The following MYLK variants were observed in gnomAD, a reference collection of about 807,000 sequenced individuals.
MYLK encodes myosin light chain kinase, also known as myosin light chain kinase, smooth muscle.
MYLK carries 106 observed loss-of-function variants against 203.4 expected under a neutral mutation model. The ratio of observed to expected loss-of-function variants is 0.52; its 90% confidence interval spans 0.45 to 0.61. The LOEUF (loss-of-function observed/expected upper bound fraction) is 0.61. Among genes scored for constraint, MYLK ranks in the 20% least tolerant of loss-of-function variants. MYLK has a pLI of 0.00. For missense variants in MYLK, 2,072 were observed against 2,442.3 expected (o/e 0.85, Z 3.20); for synonymous variants, 867 against 959.5 (o/e 0.90, Z 1.78).
At chr3:123,856,855 A>G (rs1390325989) in intron 2 of MYLK, among the ~76,000 whole-genome samples, 2 of 152,176 alleles carry the variant, frequency 1.3e-5, no homozygotes, top group Admixed American at 1.3e-4. Context: ...CAGAGTGAAC[A>G]AGCAACCTAC....
chr3:123,633,603 T>G (rs1195213966), intron 29 of MYLK, among the ~76,000 whole-genome samples: 2 of 152,246 alleles, frequency 1.3e-5, no homozygotes, highest in Admixed American at 1.3e-4. Context: ...CTTCACTGGA[T>G]GTATCAAGTA....
intron 1 of MYLK, among the ~76,000 whole-genome samples, chr3:123,881,276 C>T (rs1287647796): frequency 2.0e-5 from 3 of 152,122 alleles, no homozygotes; most frequent in African/African-American, 4.8e-5. Context: ...CCCAATAGAC[C>T]CTGCTCAGGC....
At chr3:123,812,729 C>A (rs1051883438) in intron 3 of MYLK, among the ~76,000 whole-genome samples, 1 of 152,222 alleles carries the variant, frequency 6.6e-6, no homozygotes, top group Non-Finnish European at 1.5e-5. Flanking sequence ...TGTTTGTTCA[C>A]ACATCCAGTC....
At chr3:123,814,155 T>C in intron 3 of MYLK, 1 of 366,814 alleles carries the variant, frequency 2.7e-6, no homozygotes. Context: ...CACTGACTCA[T>C]GGGCCCTGTT....
At chr3:123,813,219 G>A (rs2065621361) in intron 3 of MYLK, among the ~76,000 whole-genome samples, 1 of 152,210 alleles carries the variant, frequency 6.6e-6, no homozygotes, top group Non-Finnish European at 1.5e-5. Context: ...GCAAATAGGG[G>A]AAGGTTCAGC....
At chr3:123,690,941 G>C (rs33264) in intron 19 of MYLK, among the ~76,000 whole-genome samples, 81,154 of 151,956 alleles carry the variant, frequency 0.53, 27,094 homozygotes, top group Non-Finnish European at 0.76. Flanking sequence ...AGCCTTTTAA[G>C]TTGCAGAATG....
intron 3 of MYLK, among the ~76,000 whole-genome samples, chr3:123,819,787 CTTTTTTTTTT>C (rs5852369): frequency 1.0e-3 from 76 of 74,542 alleles, no homozygotes; most frequent in African/African-American, 3.4e-3. Flanking sequence ...TCTAAGCCTC[CTTTTTTTTTT>C]TTTTTTTTTT....
At chr3:123,879,489 C>T (rs1290496980) in intron 1 of MYLK, among the ~76,000 whole-genome samples, 1 of 152,096 alleles carries the variant, frequency 6.6e-6, no homozygotes, top group East Asian at 1.9e-4. Context: ...CACTCTAGCC[C>T]CTGAATTTCT....
intron 23 of MYLK, among the ~76,000 whole-genome samples, chr3:123,661,696 C>T (rs2059566666): frequency 6.6e-6 from 1 of 152,062 alleles, no homozygotes; most frequent in African/African-American, 2.4e-5. Context: ...AAACAGAACA[C>T]AGGGTAAAGA....
Position 123,614,028 on chromosome 3 carries a change from G to GGTTT in MYLK, c.*76_*77insAAAC. 2 of 1,291,574 alleles carry GGTTT rather than the reference G, an allele frequency of 1.5e-6. No individual in the cohort carries two copies. The highest frequency in any genetic ancestry group is 1.6e-5 in the African/African-American group (1 of 63,842). 80.0% of individuals were successfully genotyped at this position (1,291,574 alleles called of 1,614,324 possible). A position where few individuals can be genotyped will look rare whatever the true frequency, so the allele number is the denominator to read the frequency against. On this transcript the variant is annotated 3_prime_UTR_variant, in exon 34 of 34. Transcript: ENST00000360304. ...ACACTAGGTGCTTTTACTATCTTGA[G>GGTTT]TTTTTTTTTTTTTTTTGAGTTTTAG...
At chr3:123,833,697 T>A (rs1478424329) in intron 2 of MYLK, among the ~76,000 whole-genome samples, 1 of 152,198 alleles carries the variant, frequency 6.6e-6, no homozygotes, top group Non-Finnish European at 1.5e-5. Context: ...AATAAAGCTG[T>A]TAATTATGTA....
chr3:123,713,625 G>A (rs1192876488), intron 13 of MYLK, among the ~76,000 whole-genome samples: 4 of 106,678 alleles, frequency 3.7e-5, no homozygotes, highest in Non-Finnish European at 8.1e-5. Context: ...GTGTGTGTGT[G>A]TGTGTATTGC....
intron 31 of MYLK, 196 bp from the exon 32 acceptor site, chr3:123,620,532 T>C: frequency 7.0e-7 from 1 of 1,436,602 alleles, no homozygotes; most frequent in Admixed American, 2.5e-5. Flanking sequence ...TGTCAGAAGA[T>C]GTTCAGAGAA....
chr3:123,801,510 A>T (rs1412852301), intron 3 of MYLK, among the ~76,000 whole-genome samples: 1 of 152,204 alleles, frequency 6.6e-6, no homozygotes, highest in Non-Finnish European at 1.5e-5. Flanking sequence ...TTGGGGTATG[A>T]TTAAACCCAT....
At chr3:123,684,554 T>C (rs4476455) in intron 19 of MYLK, among the ~76,000 whole-genome samples, 129,839 of 150,472 alleles carry the variant, frequency 0.86, 58,710 homozygotes, top group Non-Finnish European at 0.99. Flanking sequence ...GTTTGGCCCC[T>C]TTTTTTTTTT....
intron 7 of MYLK, among the ~76,000 whole-genome samples, chr3:123,737,894 C>T (rs2062733388): frequency 6.6e-6 from 1 of 152,140 alleles, no homozygotes; most frequent in East Asian, 1.9e-4. Flanking sequence ...AATTAGGAAG[C>T]AGGTAAAAGG....
intron 4 of MYLK, among the ~76,000 whole-genome samples, chr3:123,757,370 C>A (rs78085326): frequency 0.028 from 4,315 of 152,244 alleles, 204 homozygotes; most frequent in African/African-American, 0.096. Flanking sequence ...GCTGATTCTG[C>A]AGATCTGCCG....
intron 31 of MYLK, chr3:123,625,434 C>CTCCAA (rs1279536506): frequency 2.0e-5 from 3 of 151,328 alleles, no homozygotes; most frequent in Non-Finnish European, 2.9e-5. Context: ...TGCCACTGCA[C>CTCCAA]TCCAGCCTGG....
At chr3:123,861,559 A>T (rs959109350) in intron 2 of MYLK, among the ~76,000 whole-genome samples, 1 of 152,242 alleles carries the variant, frequency 6.6e-6, no homozygotes, top group Non-Finnish European at 1.5e-5. Context: ...CATTAGTGTA[A>T]CAACCCTTGT....
Sources: allele counts gnomAD v4.1 joint callset (sites outside exome capture counted in the v4.1 genomes callset), GRCh38; gene constraint gnomAD v4.1.1; transcripts MANE v1.5; gene names NCBI Gene and HGNC (gene_info 2026-07-23, HGNC 2026-07-21).